PSD3: variants seen among roughly 807,000 people sequenced by gnomAD.
PSD3 encodes pleckstrin and Sec7 domain containing 3.
PSD3 carries 49 observed loss-of-function variants against 105.5 expected under a neutral mutation model. The observed-to-expected ratio is 0.46, with a 90% confidence interval of 0.37 to 0.59. The LOEUF is 0.59. PSD3 is among the 20% of genes least tolerant of loss of function. The probability of loss-of-function intolerance (pLI) is 0.00; values close to 1 mark genes in which losing one functional copy is unlikely to be tolerated. For synonymous variants in PSD3, 557 were observed against 457.8 expected (o/e 1.22, Z -2.77); for missense variants, 1,561 against 1,263.8 (o/e 1.24, Z -3.57).
chr8:19,012,660 A>G (rs1037837766), intron 1 of PSD3, among the ~76,000 whole-genome samples: 14 of 152,198 alleles, frequency 9.2e-5, no homozygotes, highest in African/African-American at 3.1e-4. Context: ...CAGAAATCCT[A>G]TCCTACTTAC....
At chr8:18,700,731 C>T (rs529822147) in intron 9 of PSD3, among the ~76,000 whole-genome samples, 23 of 152,042 alleles carry the variant, frequency 1.5e-4, no homozygotes, top group African/African-American at 5.1e-4. Context: ...TTTTTCTTTC[C>T]TTTGGTTTTT....
intron 12 of PSD3, among the ~76,000 whole-genome samples, chr8:18,578,437 T>A (rs141076834): frequency 9.2e-5 from 14 of 152,248 alleles, no homozygotes; most frequent in Admixed American, 2.0e-4. Flanking sequence ...AGCTTTTTGT[T>A]ACAATACCCT....
intron 1 of PSD3, among the ~76,000 whole-genome samples, chr8:18,970,940 C>G (rs971371135): frequency 6.6e-6 from 1 of 151,220 alleles, no homozygotes; most frequent in Non-Finnish European, 1.5e-5. Context: ...GATCACACCA[C>G]TGCACTCCAC....
At chr8:18,542,204 T>C (rs1282040410) in intron 15 of PSD3, among the ~76,000 whole-genome samples, 6 of 152,200 alleles carry the variant, frequency 3.9e-5, no homozygotes, top group African/African-American at 1.2e-4. Flanking sequence ...CATTACAACA[T>C]GAAGAGAATG....
chr8:18,788,902 C>T (rs1809437432), intron 8 of PSD3, among the ~76,000 whole-genome samples: 1 of 152,096 alleles, frequency 6.6e-6, no homozygotes. Flanking sequence ...CTCAGGTGTC[C>T]ATTCCTTTTT....
At chr8:18,690,707 C>G (rs1800927507) in intron 9 of PSD3, among the ~76,000 whole-genome samples, 1 of 152,322 alleles carries the variant, frequency 6.6e-6, no homozygotes, top group Middle Eastern at 3.4e-3. Context: ...GACTCAGACC[C>G]TTTCTCCCAG....
intron 9 of PSD3, among the ~76,000 whole-genome samples, chr8:18,698,991 A>G (rs1444464338): frequency 6.6e-6 from 1 of 152,108 alleles, no homozygotes; most frequent in Non-Finnish European, 1.5e-5. Context: ...ATGAAACCCC[A>G]CTCAACCAGG....
intron 1 of PSD3, among the ~76,000 whole-genome samples, chr8:18,997,068 AG>A (rs1220069224): frequency 1.3e-5 from 2 of 151,874 alleles, no homozygotes; most frequent in Non-Finnish European, 2.9e-5. Flanking sequence ...TCAGTGTGGA[AG>A]CAGCCCAGGT....
chr8:19,079,071 A>T lies in PSD3; in HGVS notation c.324+5135T>A, dbSNP rs148935500. 8.3e-3 allele frequency among the ~76,000 whole-genome samples: 1,258 copies of T among 152,118 alleles called. 9 individuals are homozygous for T. The highest frequency in any genetic ancestry group is 0.013 in the Non-Finnish European group (894 of 67,992). The stretch of plus-strand genomic sequence containing the variant: ...AGGTGGATCCAGATGCTAAACTTCC[A>T]GGAGGATTGCACCTATACAATGATC... On this transcript the variant is annotated intron_variant, in intron 1 of 1. Transcript: ENST00000521475.
chr8:18,875,124 G>A lies in PSD3; in HGVS notation c.131-2391C>T, dbSNP rs141982949. On this transcript the variant is annotated intron_variant, in intron 2 of 15. Transcript: ENST00000327040. The stretch of plus-strand genomic sequence containing the variant: ...TGTAGAGATGGGGTCTCACTGTGTT[G>A]CCCAGGCTGGTTTCAAACTCCTGGC... Among the ~76,000 whole-genome samples the A allele has an allele frequency of 8.4e-3, 1,282 of 152,172 alleles. 23 individuals are homozygous for A. Among genetic ancestry groups the A allele is most frequent in the African/African-American group, 0.029 (1,188 of 41,502 alleles).
At chr8:18,600,718 A>C (rs1193053382) in intron 11 of PSD3, among the ~76,000 whole-genome samples, 1 of 152,206 alleles carries the variant, frequency 6.6e-6, no homozygotes, top group Admixed American at 6.5e-5. Flanking sequence ...TCCCACAACT[A>C]GGAAGAGTAG....
intron 9 of PSD3, among the ~76,000 whole-genome samples, chr8:18,673,476 C>G (rs1799902570): frequency 6.6e-6 from 1 of 152,182 alleles, no homozygotes; most frequent in Non-Finnish European, 1.5e-5. Flanking sequence ...CACCCTCCAG[C>G]AGGCATTCCT....
intron 2 of PSD3, among the ~76,000 whole-genome samples, chr8:18,931,216 A>C (rs1395944467): frequency 6.6e-6 from 1 of 152,148 alleles, no homozygotes; most frequent in African/African-American, 2.4e-5. Context: ...GATGTCCAAC[A>C]CACAATGTCA....
chr8:18,706,024 T>C (rs1490680508), intron 9 of PSD3, among the ~76,000 whole-genome samples: 3 of 152,192 alleles, frequency 2.0e-5, no homozygotes, highest in Non-Finnish European at 2.9e-5. Flanking sequence ...TATGAACAAA[T>C]AGGGCCCATG....
intron 9 of PSD3, among the ~76,000 whole-genome samples, chr8:18,698,175 T>G (rs953386252): frequency 1.3e-5 from 2 of 152,208 alleles, no homozygotes; most frequent in African/African-American, 2.4e-5. Context: ...CATAGCTCAT[T>G]GTAACCTCGA....
At chr8:18,536,865 A>G (rs1392082733) in intron 15 of PSD3, among the ~76,000 whole-genome samples, 1 of 152,188 alleles carries the variant, frequency 6.6e-6, no homozygotes, top group Non-Finnish European at 1.5e-5. Flanking sequence ...TAAAGTAAGT[A>G]TTCCACCATC....
At chr8:19,032,392 C>T (rs956544752) in intron 1 of PSD3, among the ~76,000 whole-genome samples, 14 of 151,912 alleles carry the variant, frequency 9.2e-5, no homozygotes, top group Non-Finnish European at 1.9e-4. Context: ...CCTGTAATCC[C>T]AGCACTTTGG....
At chr8:18,784,392 G>C (rs901880243) in intron 8 of PSD3, among the ~76,000 whole-genome samples, 1 of 152,104 alleles carries the variant, frequency 6.6e-6, no homozygotes, top group African/African-American at 2.4e-5. Context: ...AAGTATGTGG[G>C]GGTTTCTCCA....
intron 15 of PSD3, among the ~76,000 whole-genome samples, chr8:18,541,058 C>G (rs563316960): frequency 6.6e-6 from 1 of 152,024 alleles, no homozygotes; most frequent in South Asian, 2.1e-4. Flanking sequence ...GACACTGAGG[C>G]CTTCCCTGGC....
Sources: allele counts gnomAD v4.1 joint callset (sites outside exome capture counted in the v4.1 genomes callset), GRCh38; gene constraint gnomAD v4.1.1; transcripts MANE v1.5; gene names NCBI Gene and HGNC (gene_info 2026-07-23, HGNC 2026-07-21).